Variants in KBTBD4 observed in about 807,000 individuals in gnomAD.
KBTBD4 encodes kelch repeat and BTB domain containing 4.
A neutral mutation model predicts 43.9 loss-of-function variants in KBTBD4; 30 were observed. The ratio of observed to expected loss-of-function variants is 0.68; its 90% confidence interval spans 0.51 to 0.93. KBTBD4 has a LOEUF of 0.93. KBTBD4 is among the 40% of genes least tolerant of loss of function. The probability of loss-of-function intolerance (pLI) is 0.00; values close to 1 mark genes in which losing one functional copy is unlikely to be tolerated. For missense variants in KBTBD4, 575 were observed against 668.8 expected, an observed-to-expected ratio of 0.86 and a Z score of 1.55; for synonymous variants, 258 against 256.9, an observed-to-expected ratio of 1.00 and a Z score of -0.04.
Position 47,573,082 on chromosome 11 carries a change from T to C in KBTBD4, c.1453A>G (p.Ile485Val). The C allele has an allele frequency of 5.6e-6, 9 of 1,614,152 alleles. No homozygotes were observed. The highest frequency in any genetic ancestry group is 6.8e-6 in the Non-Finnish European group (8 of 1,180,024). The change falls in exon 4 of 4, where the codon ATT (isoleucine) becomes GTT (valine). Residue 485 changes from isoleucine to valine, a missense_variant. Coordinates refer to ENST00000430070, the MANE Select transcript of KBTBD4 (RefSeq NM_018095.6). This position sits in a 1 kb window ranked among gnomAD's most constrained non-coding sequence, Gnocchi z 4.1. Reference protein sequence around the residue: ...AWSSAPSLWKIASCNGSIYVF... With the variant: ...AWSSAPSLWKVASCNGSIYVF... ...TAGATGCTCCCGTTACAGCTGGCAA[T>C]CTTCCAGAGGGATGGGGCAGAGCTC...
intron 1 of KBTBD4, 30 bp from the exon 2 acceptor site, chr11:47,578,058 G>A: frequency 6.2e-7 from 1 of 1,611,484 alleles, no homozygotes; most frequent in South Asian, 1.1e-5. Context: ...TGAGTAACCT[G>A]AGGAATTCAC....
At position 47,573,871 on chromosome 11, in the gene KBTBD4, G is replaced by T; in HGVS notation, c.745-81C>A. On this transcript the variant is annotated intron_variant, in intron 3 of 3. Coordinates refer to ENST00000430070, the MANE Select transcript of KBTBD4 (RefSeq NM_018095.6). The surrounding 1 kb of genome is among the most constrained non-coding windows in gnomAD (Gnocchi z 4.1). The stretch of plus-strand genomic sequence containing the variant: ...CTAAGACACATATCCTTAAGATCCT[G>T]GCCCTCACACTTGTTCCTAGCTTTA... 1.6e-6 allele frequency: 2 copies of T among 1,279,844 alleles called. No homozygotes were observed. Among genetic ancestry groups the T allele is most frequent in the Non-Finnish European group, 2.2e-6 (2 of 925,516 alleles). The allele number at this position is 1,279,844 out of a possible 1,614,324, so 79.3% of individuals were successfully genotyped here. A position where few individuals can be genotyped will look rare whatever the true frequency, so the allele number is the denominator to read the frequency against.
rs1565929512 is a variant in KBTBD4 at position 47,572,882 on chromosome 11, T to A, written c.*48A>T. ...TGGGGCCCAGGGGACTTTGAGTTTG[T>A]ATGGGGAGGGAAAAGGAGTGAGCAG... On this transcript the variant is annotated 3_prime_UTR_variant, in exon 4 of 4. Transcript: ENST00000430070. 1.9e-6 allele frequency: 3 copies of A among 1,569,282 alleles called. No individual in the cohort carries two copies. Among genetic ancestry groups the A allele is most frequent in the Non-Finnish European group, 2.6e-6 (3 of 1,156,422 alleles).
In KBTBD4 at chr11:47,577,676, C is replaced by G; in HGVS notation, c.372G>C (p.Val124=). Reference sequence around the variant, plus strand: ...CCTGCAACTCCTCAGCTCGAAGTTTCACAGTCCCATGGTAGATATAATCAA... The same window carrying G: ...CCTGCAACTCCTCAGCTCGAAGTTTGACAGTCCCATGGTAGATATAATCAA... The part of the protein sequence containing the change: ...LLVDYIYHGT[V]KLRAEELQEI... The change falls in exon 2 of 4, where the codon GTG becomes GTC. Residue 124 remains valine (V), a synonymous_variant. Coordinates refer to ENST00000430070, the MANE Select transcript of KBTBD4 (RefSeq NM_018095.6). 1 of 1,614,216 alleles carries G rather than the reference C, an allele frequency of 6.2e-7. No homozygotes were observed. The highest frequency in any genetic ancestry group is 2.2e-5 in the East Asian group (1 of 44,890).
At chr11:47,578,550 C>T (rs1349860926) in intron 1 of KBTBD4, 3 of 696,342 alleles carry the variant, frequency 4.3e-6, no homozygotes, top group Non-Finnish European at 7.8e-6. Flanking sequence ...CATTTGCTCT[C>T]TTCTGAGCTG....
Position 47,573,055 on chromosome 11 carries a change from C to A in KBTBD4, c.1480G>T (p.Val494Phe), listed in dbSNP as rs1442732109. 6.2e-7 allele frequency: 1 copy of A among 1,614,040 alleles called. No homozygotes were observed. Among genetic ancestry groups the A allele is most frequent in the Non-Finnish European group, 8.5e-7 (1 of 1,180,052 alleles). ...KIASCNGSIY[V>F]FRDRYKKGDA... Reference sequence around the variant, plus strand: ...CCCTTTTTATATCGGTCCCGGAAGACATAGATGCTCCCGTTACAGCTGGCA... The same window carrying A: ...CCCTTTTTATATCGGTCCCGGAAGAAATAGATGCTCCCGTTACAGCTGGCA... The change falls in exon 4 of 4, where the codon GTC (valine) becomes TTC (phenylalanine). Residue 494 changes from valine (V) to phenylalanine (F), a missense_variant. Physicochemically the swap from Val to Phe is conservative, Grantham distance 50. Coordinates refer to ENST00000430070, the MANE Select transcript of KBTBD4 (RefSeq NM_018095.6). This position sits in a 1 kb window ranked among gnomAD's most constrained non-coding sequence, Gnocchi z 4.1.
Position 47,573,430 on chromosome 11 carries a change from C to T in KBTBD4, c.1105G>A (p.Val369Ile), listed in dbSNP as rs748955906. The change falls in exon 4 of 4, where the codon GTA (valine) becomes ATA (isoleucine). Residue 369 changes from valine (V) to isoleucine (I), a missense_variant. By Grantham distance (29) the Val-to-Ile change is conservative. Coordinates refer to ENST00000430070, the MANE Select transcript of KBTBD4 (RefSeq NM_018095.6). The surrounding 1 kb of genome is among the most constrained non-coding windows in gnomAD (Gnocchi z 4.1). ...TLSNAVIYYR[V>I]GDNVWTETTQ... Reference sequence around the variant, plus strand: ...GTCTCTGTCCACACATTATCACCTACGCGATAATAAATGACTGCGTTGGAG... The same window carrying T: ...GTCTCTGTCCACACATTATCACCTATGCGATAATAAATGACTGCGTTGGAG... The T allele has an allele frequency of 1.9e-5, 30 of 1,614,084 alleles. No individual in the cohort carries two copies. The highest frequency in any genetic ancestry group is 3.3e-5 in the Admixed American group (2 of 59,998).
chr11:47,578,073 A>G (rs1029267714), intron 1 of KBTBD4, 45 bp from the exon 2 acceptor site: 4 of 1,602,850 alleles, frequency 2.5e-6, no homozygotes, highest in African/African-American at 1.3e-5. Flanking sequence ...ATTCACAGCC[A>G]TAGTCTGTGA....
intron 3 of KBTBD4, 89 bp downstream of exon 3, chr11:47,575,504 C>T (rs2097257434): frequency 2.1e-5 from 17 of 818,626 alleles, no homozygotes; most frequent in Non-Finnish European, 3.2e-5. Flanking sequence ...AAGACTCCAT[C>T]TCAAAAAAAA....
At chr11:47,578,643 G>A in intron 1 of KBTBD4, 1 of 796,626 alleles carries the variant, frequency 1.3e-6, no homozygotes, top group South Asian at 1.5e-5. Flanking sequence ...CCAGGCCGGG[G>A]CACTGGGAGG....
In KBTBD4 at chr11:47,572,963, C is replaced by A. The variant is rs2153793350; in HGVS notation, c.1572G>T (p.Val524=). The change falls in exon 4 of 4, where the codon GTG becomes GTT. Residue 524 remains valine (V), a synonymous_variant. Transcript: ENST00000430070. ...ACACAAACTGCAAATTGGTAAGCAGCACCTTAATACCTCTTGTGACAGTTA... is the reference window on the plus strand; with the variant it reads ...ACACAAACTGCAAATTGGTAAGCAGAACCTTAATACCTCTTGTGACAGTTA... ...SAVTVTRGIK[V]LLTNLQFVLA The A allele has an allele frequency of 6.2e-7, 1 of 1,614,150 alleles. No individual in the cohort carries two copies. Among genetic ancestry groups the A allele is most frequent in the African/African-American group, 1.3e-5 (1 of 75,052 alleles).
Position 47,572,395 on chromosome 11 carries a change from A to T in KBTBD4, c.*535T>A, listed in dbSNP as rs1398971063. ...AAGTTACATTTCCTGACAGATGGAT[A>T]AGAAAACAATAGAAGGAACATCCTG... On this transcript the variant is annotated 3_prime_UTR_variant, in exon 4 of 4. Coordinates refer to ENST00000430070, the MANE Select transcript of KBTBD4 (RefSeq NM_018095.6). 1 of 153,336 alleles carries T rather than the reference A, an allele frequency of 6.5e-6. No homozygotes were observed. The highest frequency in any genetic ancestry group is 6.5e-5 in the Admixed American group (1 of 15,340). 9.5% of individuals were successfully genotyped at this position (153,336 alleles called of 1,614,324 possible).
chr11:47,577,846 C>T lies in KBTBD4; in HGVS notation c.202G>A (p.Glu68Lys). The T allele has an allele frequency of 6.2e-7, 1 of 1,614,214 alleles. No individual in the cohort carries two copies. Among genetic ancestry groups the T allele is most frequent in the Non-Finnish European group, 8.5e-7 (1 of 1,180,042 alleles). ...ELFADVTISVEGREFQLHRLV... is the reference protein window; with the variant it reads ...ELFADVTISVKGREFQLHRLV... The stretch of plus-strand genomic sequence containing the variant: ...CGATGGAGCTGAAACTCCCGGCCTT[C>T]CACCGAAATGGTGACATCAGCAAAG... The change falls in exon 2 of 4, where the codon GAA (glutamate) becomes AAA (lysine). Residue 68 changes from glutamate (E) to lysine (K), a missense_variant. Transcript: ENST00000430070.
At position 47,573,759 on chromosome 11, in the gene KBTBD4, A is replaced by G. The variant is rs1217133700; in HGVS notation, c.776T>C (p.Ile259Thr). The part of the protein sequence containing the change: ...EIGENVHIYL[I>T]GKESSRTHSL... ...GTGGGTACGAGATGACTCTTTCCCAATCAGGTAAATGTGCACATTCTCCCC... is the reference window on the plus strand; with the variant it reads ...GTGGGTACGAGATGACTCTTTCCCAGTCAGGTAAATGTGCACATTCTCCCC... The change falls in exon 4 of 4, where the codon ATT becomes ACT. Residue 259 changes from isoleucine (I) to threonine (T), a missense_variant. Coordinates refer to ENST00000430070, the MANE Select transcript of KBTBD4 (RefSeq NM_018095.6). This position sits in a 1 kb window ranked among gnomAD's most constrained non-coding sequence, Gnocchi z 4.1. The G allele has an allele frequency of 6.3e-7, 1 of 1,582,690 alleles. No individual in the cohort carries two copies. The highest frequency in any genetic ancestry group is 2.3e-5 in the East Asian group (1 of 44,350).
chr11:47,573,139 T>G lies in KBTBD4; in HGVS notation c.1396A>C (p.Ser466Arg). The G allele has an allele frequency of 1.2e-6, 2 of 1,614,200 alleles. No individual in the cohort carries two copies. The highest frequency in any genetic ancestry group is 1.7e-6 in the Non-Finnish European group (2 of 1,180,026). The stretch of plus-strand genomic sequence containing the variant: ...TCAGGAAGGCAAAGCCGGGTGAAGC[T>G]GTCTAGCAAGGGATTGTAGCACACC... Reference protein sequence around the residue: ...SLVCYNPLLDSFTRLCLPEAW... With the variant: ...SLVCYNPLLDRFTRLCLPEAW... The change falls in exon 4 of 4, where the codon AGC becomes CGC. Residue 466 changes from serine to arginine, a missense_variant. Transcript: ENST00000430070. The surrounding 1 kb of genome is among the most constrained non-coding windows in gnomAD (Gnocchi z 4.1).
rs1261032411 is a variant in KBTBD4, at chr11:47,577,873, G to A, written c.175C>T (p.Leu59Phe). 3.1e-6 allele frequency: 5 copies of A among 1,614,126 alleles called. No homozygotes were observed. Among genetic ancestry groups the A allele is most frequent in the East Asian group, 4.5e-5 (2 of 44,902 alleles). The change falls in exon 2 of 4, where the codon CTC (leucine) becomes TTC (phenylalanine). Residue 59 changes from leucine (L) to phenylalanine (F), a missense_variant. Leu to Phe is a conservative substitution (Grantham distance 22, BLOSUM62 0). Coordinates refer to ENST00000430070, the MANE Select transcript of KBTBD4 (RefSeq NM_018095.6). Reference protein sequence around the residue: ...GIMKLCLEEELFADVTISVEG... With the variant: ...GIMKLCLEEEFFADVTISVEG... Reference sequence around the variant, plus strand: ...ACCGAAATGGTGACATCAGCAAAGAGCTCCTCCTCTAGACACAGTTTCATG... The same window carrying A: ...ACCGAAATGGTGACATCAGCAAAGAACTCCTCCTCTAGACACAGTTTCATG...
chr11:47,574,045 T>G (rs2097254882), intron 3 of KBTBD4, among the ~76,000 whole-genome samples: 1 of 152,216 alleles, frequency 6.6e-6, no homozygotes, highest in Admixed American at 6.5e-5. Context: ...AAAGGGTGAT[T>G]AAGATTGTTA....
At position 47,578,879 on chromosome 11, in the gene KBTBD4, G is replaced by C. The variant is rs1297994579; in HGVS notation, c.19+54C>G. On this transcript the variant is annotated intron_variant, in intron 1 of 3. Coordinates refer to ENST00000430070, the MANE Select transcript of KBTBD4 (RefSeq NM_018095.6). Reference sequence around the variant, plus strand: ...TTCTCTCTAGGCTCTGCCACAAGGAGCTAGGACCACGCTCACCTCACGATT... The same window carrying C: ...TTCTCTCTAGGCTCTGCCACAAGGACCTAGGACCACGCTCACCTCACGATT... 4.5e-6 allele frequency: 7 copies of C among 1,551,232 alleles called. No individual in the cohort carries two copies. In the East Asian group the frequency reaches 1.5e-4, roughly 33 times the overall value.
Position 47,577,472 on chromosome 11 carries a change from C to T in KBTBD4, c.576G>A (p.Gln192=). 6.2e-7 allele frequency: 1 copy of T among 1,613,390 alleles called. No individual in the cohort carries two copies. The highest frequency in any genetic ancestry group is 1.1e-5 in the South Asian group (1 of 91,070). ...AKHCAKTHLA[Q]LQNTEEFLHL... is the part of the protein sequence containing the mutation. The stretch of plus-strand genomic sequence containing the variant: ...GGAGAAATTCCTCTGTATTCTGCAG[C>T]TGGGCCAGGTGGGTCTTGGCACAGT... The change falls in exon 2 of 4, where the codon CAG becomes CAA. Residue 192 remains glutamine (Q), a synonymous_variant. Coordinates refer to ENST00000430070, the MANE Select transcript of KBTBD4 (RefSeq NM_018095.6).
Sources: gnomAD v4.1 joint callset for allele counts (sites outside exome capture counted in the v4.1 genomes callset) on GRCh38, gnomAD v4.1.1 for gene constraint, Gnocchi (gnomAD v3.1) non-coding constraint, MANE v1.5 for transcripts, NCBI Gene and HGNC (gene_info 2026-07-23, HGNC 2026-07-21) for gene names.